Variants in GTF2IRD1 observed in about 807,000 individuals in gnomAD.
The protein encoded by GTF2IRD1 is GTF2I repeat domain containing 1.
Under a neutral mutation model 113.2 loss-of-function variants are expected in GTF2IRD1, and 26 were observed. The ratio of observed to expected loss-of-function variants is 0.23; its 90% CI spans 0.17 to 0.32. The LOEUF is 0.32. GTF2IRD1 is among the 10% of genes least tolerant of loss of function. GTF2IRD1 has a pLI of 1.00. For missense variants in GTF2IRD1, 864 were observed against 1,280.8 expected (o/e 0.67, Z 4.97); for synonymous variants, 484 against 529.1 (o/e 0.91, Z 1.17).
chr7:74,553,906 C>G (rs1305117282), intron 17 of GTF2IRD1, among the ~76,000 whole-genome samples: 1 of 152,208 alleles, frequency 6.6e-6, no homozygotes, highest in Non-Finnish European at 1.5e-5. Flanking sequence ...GCTCCTGAGA[C>G]TGTGGTTCAA....
intron 8 of GTF2IRD1, among the ~76,000 whole-genome samples, chr7:74,526,110 G>T (rs1446533825): frequency 6.6e-6 from 1 of 152,242 alleles, no homozygotes; most frequent in Non-Finnish European, 1.5e-5. Flanking sequence ...CCAGGCGGAG[G>T]TTGGGGGAGG....
rs587746691 is a variant in GTF2IRD1, at chr7:74,593,967, A to G, written c.2592-1047A>G. On this transcript the variant is annotated intron_variant, in intron 24 of 26. Transcript: ENST00000424337. ...GTAATCCCAGCACTTTGGGAGGCCA[A>G]GGCGGGCAGTTCACGAGGTCAGGAG... 3.9e-5 allele frequency among the ~76,000 whole-genome samples: 6 copies of G among 152,112 alleles called. No individual in the cohort carries two copies. In the South Asian group the frequency reaches 1.2e-3, roughly 32 times the overall value.
chr7:74,594,006 T>C (rs1802243104), intron 24 of GTF2IRD1, among the ~76,000 whole-genome samples: 1 of 151,902 alleles, frequency 6.6e-6, no homozygotes, highest in African/African-American at 2.4e-5. Context: ...GAGACCAGCC[T>C]GGCCAACATA....
At chr7:74,520,532 C>G (rs1316279461) in intron 6 of GTF2IRD1, among the ~76,000 whole-genome samples, 6 of 152,092 alleles carry the variant, frequency 3.9e-5, no homozygotes, top group African/African-American at 7.2e-5. Context: ...TGCATATTCT[C>G]AGGCACCACT....
intron 1 of GTF2IRD1, among the ~76,000 whole-genome samples, chr7:74,477,216 T>C: frequency 6.6e-6 from 1 of 151,844 alleles, no homozygotes; most frequent in Non-Finnish European, 1.5e-5. Flanking sequence ...ATACAAAAAT[T>C]AGCCACACAT....
At chr7:74,593,309 C>T (rs1357148507) in intron 24 of GTF2IRD1, among the ~76,000 whole-genome samples, 4 of 150,058 alleles carry the variant, frequency 2.7e-5, no homozygotes, top group African/African-American at 9.8e-5. Flanking sequence ...GGCGTGGTGG[C>T]TCACGCCTGT....
In GTF2IRD1 at chr7:74,512,899, G is replaced by A; in HGVS notation, c.193G>A (p.Val65Met). 1 of 1,614,160 alleles carries A rather than the reference G, an allele frequency of 6.2e-7. No individual in the cohort carries two copies. The change falls in exon 3 of 27, where the codon GTG (valine) becomes ATG (methionine). Residue 65 changes from valine (V) to methionine (M), a missense_variant. Physicochemically the swap from Val to Met is conservative, Grantham distance 21. Transcript: ENST00000424337. This position sits in a 1 kb window ranked among gnomAD's most constrained non-coding sequence, Gnocchi z 4.4. ...CGTGCACGATGAGAGCGCCTTTGTG[G>A]TGGGCACAGAGAAGGGGAGAATGTT... Reference protein sequence around the residue: ...VAVHDESAFVVGTEKGRMFLN... With the variant: ...VAVHDESAFVMGTEKGRMFLN...
intron 8 of GTF2IRD1, among the ~76,000 whole-genome samples, chr7:74,525,602 T>A (rs1367380650): frequency 6.6e-6 from 1 of 151,800 alleles, no homozygotes; most frequent in Non-Finnish European, 1.5e-5. Context: ...AATACAAAAA[T>A]TAACTGGGCG....
intron 8 of GTF2IRD1, 41 bp from the exon 9 acceptor site, chr7:74,529,693 C>G (rs1554348200): frequency 2.5e-5 from 39 of 1,591,150 alleles, no homozygotes; most frequent in Non-Finnish European, 3.4e-5. Context: ...TGTCCAGCAG[C>G]CTGTCTAACA....
chr7:74,521,231 G>T lies in GTF2IRD1; in HGVS notation c.940G>T (p.Gly314Trp). Residue 314 changes from glycine (G) to tryptophan (W), a missense_variant, in exon 7 of 27, where the codon GGG becomes TGG. By Grantham distance (184) the Gly-to-Trp change is radical (BLOSUM62 -2). Transcript: ENST00000424337. The part of the protein sequence containing the change: ...CCGQKPTGPG[G>W]PLIQNVHASK... ...AGGACAGAAGCCCACTGGGCCTGGT[G>T]GGCCTCTCATCCAGAACGTCCATGC... 2 of 1,608,338 alleles carry T rather than the reference G, an allele frequency of 1.2e-6. No homozygotes were observed. Among genetic ancestry groups the T allele is most frequent in the Non-Finnish European group, 1.7e-6 (2 of 1,175,152 alleles).
chr7:74,548,913 CA>C (rs1221895901), intron 17 of GTF2IRD1, among the ~76,000 whole-genome samples: 5 of 148,858 alleles, frequency 3.4e-5, no homozygotes, highest in East Asian at 2.0e-4. Flanking sequence ...TCCTCAAAAA[CA>C]AAAAAAACCA....
Position 74,602,307 on chromosome 7 carries a change from T to C in GTF2IRD1, c.2767-58T>C, listed in dbSNP as rs770362591. The C allele has an allele frequency of 3.2e-6, 5 of 1,575,102 alleles. No homozygotes were observed. In the East Asian group the frequency reaches 9.1e-5, roughly 29 times the overall value. On this transcript the variant is annotated intron_variant, in intron 26 of 26. Coordinates refer to ENST00000424337, the MANE Select transcript of GTF2IRD1 (RefSeq NM_005685.4). ...TCTTCCAAAAGCAGAACTAAGCATT[T>C]TGGGTTTGTTCCGCATCACCTGGAG...
intron 8 of GTF2IRD1, 43 bp from the exon 9 acceptor site, chr7:74,529,691 A>G (rs1554348197): frequency 1.3e-6 from 2 of 1,589,618 alleles, no homozygotes; most frequent in African/African-American, 2.7e-5. Context: ...TGTGTCCAGC[A>G]GCCTGTCTAA....
intron 1 of GTF2IRD1, among the ~76,000 whole-genome samples, chr7:74,483,780 A>G (rs1255162197): frequency 6.6e-6 from 1 of 152,070 alleles, no homozygotes; most frequent in Non-Finnish European, 1.5e-5. Flanking sequence ...GCTTGAGTCC[A>G]GGAGTTTGAG....
Position 74,453,999 on chromosome 7 carries a change from C to T in GTF2IRD1, c.-184C>T, listed in dbSNP as rs1792770365. 1.3e-5 allele frequency: 2 copies of T among 148,412 alleles called. No homozygotes were observed. The highest frequency in any genetic ancestry group is 2.5e-5 in the African/African-American group (1 of 40,700). The allele number at this position is 148,412 out of a possible 1,614,324, so 9.2% of individuals were successfully genotyped here. On this transcript the variant is annotated 5_prime_UTR_variant, in exon 1 of 27. Transcript: ENST00000424337. ...GCCCCCCGGCCGGCCGATTCCCCCC[C>T]CGCGCCCCCTCCCCGCGCCTCCCTC...
At chr7:74,568,337 TAAAA>T (rs782743930) in intron 22 of GTF2IRD1, among the ~76,000 whole-genome samples, 2 of 91,990 alleles carry the variant, frequency 2.2e-5, no homozygotes, top group South Asian at 4.2e-4. Flanking sequence ...CATCTCTATT[TAAAA>T]AAAAAAAAAA....
At chr7:74,546,253 A>C (rs1583850556) in intron 16 of GTF2IRD1, among the ~76,000 whole-genome samples, 5 of 119,026 alleles carry the variant, frequency 4.2e-5, no homozygotes, top group Admixed American at 3.3e-4. Flanking sequence ...GCGGAGTCTC[A>C]CTCTGTTGCC....
Position 74,512,716 on chromosome 7 carries a change from G to A in GTF2IRD1, c.124-114G>A. ...AGTAGAGGGGCCGTCTGTCCCTGGA[G>A]CTGCTGCTGGGGTCTCAGGCAGCTG... On this transcript the variant is annotated intron_variant, in intron 2 of 26. Coordinates refer to ENST00000424337, the MANE Select transcript of GTF2IRD1 (RefSeq NM_005685.4). The surrounding 1 kb of genome is among the most constrained non-coding windows in gnomAD (Gnocchi z 4.4). 3.3e-6 allele frequency: 3 copies of A among 920,174 alleles called. No homozygotes were observed. Among genetic ancestry groups the A allele is most frequent in the Non-Finnish European group, 5.0e-6 (3 of 603,788 alleles). The allele number at this position is 920,174 out of a possible 1,614,324, so 57.0% of individuals were successfully genotyped here. A position where few individuals can be genotyped will look rare whatever the true frequency, so the allele number is the denominator to read the frequency against.
At chr7:74,523,702 C>G (rs1797423677) in intron 7 of GTF2IRD1, among the ~76,000 whole-genome samples, 1 of 151,810 alleles carries the variant, frequency 6.6e-6, no homozygotes, top group Non-Finnish European at 1.5e-5. Context: ...GCCTGGGTGA[C>G]AGAGTGAGTC....
Sources: gnomAD v4.1 joint callset for allele counts (sites outside exome capture counted in the v4.1 genomes callset) on GRCh38, gnomAD v4.1.1 for gene constraint, Gnocchi (gnomAD v3.1) non-coding constraint, MANE v1.5 for transcripts, NCBI Gene and HGNC (gene_info 2026-07-23, HGNC 2026-07-21) for gene names.